TTLL11: variants seen among roughly 807,000 people sequenced by gnomAD.
The protein encoded by TTLL11 is tubulin polyglutamylase TTLL11.
In TTLL11, 42 loss-of-function variants were observed where a neutral mutation model predicts 51.7. The observed-to-expected ratio is 0.81, with a 90% CI of 0.64 to 1.05. TTLL11 has a LOEUF of 1.05. Among genes scored for constraint, TTLL11 ranks in the 50% least tolerant of loss-of-function variants. The pLI, the probability that TTLL11 is intolerant of heterozygous loss-of-function variation, is 0.00. For synonymous variants in TTLL11, 381 were observed against 383.5 expected (o/e 0.99, Z 0.08); for missense variants, 799 against 940.4 (o/e 0.85, Z 1.97).
At chr9:122,014,291 G>C (rs1216517753) in intron 3 of TTLL11, among the ~76,000 whole-genome samples, 1 of 152,102 alleles carries the variant, frequency 6.6e-6, no homozygotes, top group African/African-American at 2.4e-5. Flanking sequence ...CTCGAACCCA[G>C]GAGGCAGAGG....
At chr9:122,017,557 G>C (rs1312876211) in intron 3 of TTLL11, among the ~76,000 whole-genome samples, 3 of 147,146 alleles carry the variant, frequency 2.0e-5, no homozygotes, top group African/African-American at 7.6e-5. Flanking sequence ...CCGTCTTCCT[G>C]TTTCAAACAA....
intron 1 of TTLL11, chr9:122,040,262 G>C (rs531292836): frequency 4.0e-6 from 3 of 750,728 alleles, no homozygotes; most frequent in Non-Finnish European, 4.9e-6. Flanking sequence ...CCTCAGACCC[G>C]CGTGAGCCTG....
chr9:121,994,324 C>T lies in TTLL11; in HGVS notation c.694-4554G>A, dbSNP rs1843194944. 2.6e-5 allele frequency among the ~76,000 whole-genome samples: 4 copies of T among 152,150 alleles called. No homozygotes were observed. In the South Asian group the frequency reaches 8.3e-4, roughly 32 times the overall value. On this transcript the variant is annotated intron_variant, in intron 3 of 8. Transcript: ENST00000321582. ...ACATAAGAGGTGGAGGGGGTATGCA[C>T]ATGGAAATCCCACTAGTGAGATTGG...
chr9:121,877,800 C>A (rs1322870076), intron 6 of TTLL11, among the ~76,000 whole-genome samples: 2 of 152,134 alleles, frequency 1.3e-5, no homozygotes, highest in Non-Finnish European at 2.9e-5. Flanking sequence ...GGATATGAAC[C>A]AATGTGTTTT....
intron 8 of TTLL11, among the ~76,000 whole-genome samples, chr9:121,854,630 C>T (rs560432093): frequency 6.6e-6 from 1 of 152,336 alleles, no homozygotes; most frequent in South Asian, 2.1e-4. Flanking sequence ...TCACAGCTGA[C>T]ACCATGATTT....
rs1564336114 is a variant in TTLL11 at position 121,974,934 on chromosome 9, G to T, written c.1315C>A (p.Leu439Ile). The T allele has an allele frequency of 5.2e-6, 8 of 1,539,912 alleles. No individual in the cohort carries two copies. Among genetic ancestry groups the T allele is most frequent in the Non-Finnish European group, 7.0e-6 (8 of 1,144,596 alleles). ...ILLMKNLKPILLEVNANPSMR... is the reference protein window; with the variant it reads ...ILLMKNLKPIILEVNANPSMR... ...CTGGGATTTGCATTTACTTCAAGTA[G>T]TATAGGCTTCAGATTTTTCATTAGA... is the stretch of plus-strand genomic sequence containing the variant. Residue 439 changes from leucine (L) to isoleucine (I), a missense_variant, in exon 5 of 9, where the codon CTA (leucine) becomes ATA (isoleucine). Physicochemically the swap from Leu to Ile is conservative, Grantham distance 5. Coordinates refer to ENST00000321582, the MANE Select transcript of TTLL11 (RefSeq NM_001139442.2).
At chr9:122,089,196 T>C (rs1313491670) in intron 1 of TTLL11, among the ~76,000 whole-genome samples, 1 of 152,070 alleles carries the variant, frequency 6.6e-6, no homozygotes, top group African/African-American at 2.4e-5. Flanking sequence ...GTTCATGACC[T>C]TATTTCTTAC....
chr9:121,950,781 T>C (rs1250337220), intron 6 of TTLL11, among the ~76,000 whole-genome samples: 2 of 152,154 alleles, frequency 1.3e-5, no homozygotes, highest in African/African-American at 4.8e-5. Context: ...TTGAGGAGCT[T>C]GTCGCCTGGG....
At chr9:121,936,850 G>T (rs1434745917) in intron 6 of TTLL11, among the ~76,000 whole-genome samples, 1 of 152,148 alleles carries the variant, frequency 6.6e-6, no homozygotes, top group Non-Finnish European at 1.5e-5. Flanking sequence ...TCACTATGTG[G>T]GCTTTTAAAA....
intron 6 of TTLL11, among the ~76,000 whole-genome samples, chr9:121,946,659 T>G (rs1480531562): frequency 6.6e-6 from 1 of 152,226 alleles, no homozygotes; most frequent in Non-Finnish European, 1.5e-5. Context: ...GCATGCTCAC[T>G]ACCCACAAGT....
intron 6 of TTLL11, among the ~76,000 whole-genome samples, chr9:121,907,452 A>AAG (rs200391343): frequency 0.024 from 2,317 of 98,488 alleles, 36 homozygotes; most frequent in African/African-American, 0.065. Flanking sequence ...CTCTGTCTCA[A>AAG]AAAAAAAAAA....
intron 8 of TTLL11, among the ~76,000 whole-genome samples, chr9:121,850,663 A>G (rs1274855181): frequency 6.6e-6 from 1 of 152,142 alleles, no homozygotes; most frequent in Non-Finnish European, 1.5e-5. Context: ...GCCCACTCAC[A>G]TTGAGAGTGA....
chr9:122,061,294 C>T (rs1182796762), intron 1 of TTLL11, among the ~76,000 whole-genome samples: 7 of 152,218 alleles, frequency 4.6e-5, no homozygotes, highest in African/African-American at 1.7e-4. Context: ...GTCATATTCA[C>T]AGATACTGGT....
At chr9:121,992,697 C>G (rs1328784248) in intron 3 of TTLL11, among the ~76,000 whole-genome samples, 2 of 152,194 alleles carry the variant, frequency 1.3e-5, no homozygotes, top group Middle Eastern at 3.2e-3. Flanking sequence ...AATCCATTAC[C>G]TTGTAACGGT....
In TTLL11 at chr9:121,989,092, C is replaced by T. The variant is rs1280776671; in HGVS notation, c.1269+103G>A. The T allele has an allele frequency of 6.5e-7, 1 of 1,542,016 alleles. No homozygotes were observed. The highest frequency in any genetic ancestry group is 8.7e-7 in the Non-Finnish European group (1 of 1,143,516). On this transcript the variant is annotated intron_variant, in intron 4 of 8. Transcript: ENST00000321582. The surrounding 1 kb of genome is among the most constrained non-coding windows in gnomAD (Gnocchi z 4.2). ...CACAGCACCACCAACACTGTCCCCT[C>T]CTCTGGCCATCCCACCCCGATCACT...
At chr9:121,949,308 A>G (rs548358750) in intron 6 of TTLL11, among the ~76,000 whole-genome samples, 1 of 152,224 alleles carries the variant, frequency 6.6e-6, no homozygotes, top group African/African-American at 2.4e-5. Flanking sequence ...TGGGGAGGAA[A>G]ATCATTGATT....
In TTLL11 at chr9:121,857,533, T is replaced by A. The variant is rs574456741; in HGVS notation, c.1840+2804A>T. On this transcript the variant is annotated intron_variant, in intron 8 of 8. Transcript: ENST00000321582. ...GGCCTGGCGTGAGAATTTGCAGCGA[T>A]ATATGCACAAGTGAAGTAATCTCAA... Among the ~76,000 whole-genome samples, 5 of 152,314 alleles carry A rather than the reference T, an allele frequency of 3.3e-5. No homozygotes were observed. The East Asian group carries it at 9.7e-4, about 29-fold the overall frequency.
chr9:121,842,927 T>C (rs1430448797), intron 8 of TTLL11, among the ~76,000 whole-genome samples: 1 of 152,204 alleles, frequency 6.6e-6, no homozygotes, highest in Non-Finnish European at 1.5e-5. Context: ...CTCTGAGCCT[T>C]AGCTTTCTTC....
At chr9:121,847,288 A>C (rs940248661) in intron 8 of TTLL11, among the ~76,000 whole-genome samples, 4 of 152,108 alleles carry the variant, frequency 2.6e-5, no homozygotes, top group African/African-American at 7.2e-5. Flanking sequence ...AATCTATAAA[A>C]CCAAAAGCTG....
Sources: gnomAD v4.1 joint callset for allele counts (sites outside exome capture counted in the v4.1 genomes callset) on GRCh38, gnomAD v4.1.1 for gene constraint, Gnocchi (gnomAD v3.1) non-coding constraint, MANE v1.5 for transcripts, NCBI Gene and HGNC (gene_info 2026-07-23, HGNC 2026-07-21) for gene names.